HS3ST4: variants seen among roughly 807,000 people sequenced by gnomAD.
HS3ST4 encodes the protein heparan sulfate glucosamine 3-O-sulfotransferase 4.
A neutral mutation model predicts 29.2 loss-of-function variants in HS3ST4; 17 were observed. That is an observed-to-expected ratio of 0.58 (90% CI 0.40 to 0.87). HS3ST4 has a LOEUF of 0.87. HS3ST4 is among the 40% of genes least tolerant of loss of function. The pLI, the probability that HS3ST4 is intolerant of heterozygous loss-of-function variation, is 0.00. For missense variants in HS3ST4, 627 were observed against 634.5 expected (o/e 0.99, Z 0.13); for synonymous variants, 314 against 285.7 (o/e 1.10, Z -1.00).
intron 1 of HS3ST4, among the ~76,000 whole-genome samples, chr16:25,980,116 A>T (rs1291329207): frequency 6.6e-6 from 1 of 152,056 alleles, no homozygotes. Flanking sequence ...AAAATTTGTG[A>T]CCTGGAGCTC....
At chr16:26,125,931 A>C (rs1422270592) in intron 1 of HS3ST4, among the ~76,000 whole-genome samples, 9 of 152,200 alleles carry the variant, frequency 5.9e-5, no homozygotes, top group Non-Finnish European at 1.0e-4. Context: ...TCATCTGGAT[A>C]CTCAGTGTAT....
chr16:26,066,705 A>G (rs1287962576), intron 1 of HS3ST4, among the ~76,000 whole-genome samples: 2 of 152,244 alleles, frequency 1.3e-5, no homozygotes, highest in African/African-American at 2.4e-5. Context: ...GCAGAAGAGC[A>G]GGTAGAATAA....
chr16:25,946,696 A>AT (rs1968629265), intron 1 of HS3ST4, among the ~76,000 whole-genome samples: 1 of 152,222 alleles, frequency 6.6e-6, no homozygotes, highest in Non-Finnish European at 1.5e-5. Flanking sequence ...AATAAGTGAA[A>AT]TGTAACAGAA....
intron 1 of HS3ST4, among the ~76,000 whole-genome samples, chr16:26,123,290 C>G (rs1899300882): frequency 1.3e-5 from 2 of 152,144 alleles, no homozygotes. Context: ...AAATGAGTTG[C>G]TCAAAGCAAG....
At chr16:26,123,791 T>C (rs1222412807) in intron 1 of HS3ST4, among the ~76,000 whole-genome samples, 5 of 152,222 alleles carry the variant, frequency 3.3e-5, no homozygotes, top group Admixed American at 3.3e-4. Context: ...CCTGAGTTAC[T>C]CCACTTAGAT....
At chr16:25,941,196 G>A (rs1281216144) in intron 1 of HS3ST4, among the ~76,000 whole-genome samples, 2 of 151,986 alleles carry the variant, frequency 1.3e-5, no homozygotes, top group East Asian at 1.9e-4. Context: ...ACGGAGTTTC[G>A]CCCTTGTTTC....
chr16:25,706,112 G>A (rs1966374355), intron 1 of HS3ST4, among the ~76,000 whole-genome samples: 1 of 152,174 alleles, frequency 6.6e-6, no homozygotes, highest in South Asian at 2.1e-4. Context: ...GGAATTCCTG[G>A]ACAATCTCAG....
At chr16:25,902,499 TAA>T (rs1197996139) in intron 1 of HS3ST4, among the ~76,000 whole-genome samples, 3 of 150,738 alleles carry the variant, frequency 2.0e-5, no homozygotes, top group Non-Finnish European at 3.0e-5. Flanking sequence ...AAAAAGAAAA[TAA>T]AAAAAGATGA....
rs753032771 is a variant in HS3ST4 at position 25,822,842 on chromosome 16, G to A, written c.734+129691G>A. ...AACCTCCACCTCCCAGGTTCAAGTG[G>A]TTCTCCTGCCTCAGCCTCCCAAGTA... On this transcript the variant is annotated intron_variant, in intron 1 of 1. Coordinates refer to ENST00000331351, the MANE Select transcript of HS3ST4 (RefSeq NM_006040.3). Among the ~76,000 whole-genome samples, 29 of 151,926 alleles carry A rather than the reference G, an allele frequency of 1.9e-4. 1 individual carries two copies. Among genetic ancestry groups the A allele is most frequent in the Non-Finnish European group, 4.1e-4 (28 of 67,892 alleles).
At chr16:26,054,650 C>A (rs2141767844) in intron 1 of HS3ST4, among the ~76,000 whole-genome samples, 1 of 152,188 alleles carries the variant, frequency 6.6e-6, no homozygotes, top group East Asian at 1.9e-4. Context: ...GGGACAGCAC[C>A]AGGTCATTAT....
chr16:26,105,098 G>T (rs984808242), intron 1 of HS3ST4, among the ~76,000 whole-genome samples: 5 of 152,112 alleles, frequency 3.3e-5, no homozygotes, highest in Non-Finnish European at 7.3e-5. Flanking sequence ...TCCCACCCAG[G>T]TGCCCATCAG....
chr16:25,785,977 T>G (rs761470619), intron 1 of HS3ST4, among the ~76,000 whole-genome samples: 10 of 151,474 alleles, frequency 6.6e-5, no homozygotes, highest in African/African-American at 1.9e-4. Context: ...GATGGGGAGG[T>G]GTACATTGAT....
intron 1 of HS3ST4, among the ~76,000 whole-genome samples, chr16:25,759,106 G>A (rs1015071229): frequency 6.6e-6 from 1 of 152,230 alleles, no homozygotes; most frequent in Non-Finnish European, 1.5e-5. Flanking sequence ...ACCTAGAAAG[G>A]TGAGCATGGC....
chr16:26,123,065 AAAC>A (rs200856757), intron 1 of HS3ST4, among the ~76,000 whole-genome samples: 2,573 of 151,868 alleles, frequency 0.017, 62 homozygotes, highest in African/African-American at 0.057. Flanking sequence ...AAAAAAAAAA[AAAC>A]CGGGGGCTTG....
At chr16:25,943,913 A>T (rs910620783) in intron 1 of HS3ST4, among the ~76,000 whole-genome samples, 2 of 152,134 alleles carry the variant, frequency 1.3e-5, no homozygotes, top group Admixed American at 1.3e-4. Context: ...GCTTAAAAGT[A>T]CTTCGTACAT....
At chr16:25,720,270 C>T (rs183553437) in intron 1 of HS3ST4, among the ~76,000 whole-genome samples, 4 of 152,234 alleles carry the variant, frequency 2.6e-5, no homozygotes, top group Admixed American at 6.5e-5. Context: ...GTCAATGAGA[C>T]TGGGACACAG....
At chr16:25,990,847 T>G (rs115023111) in intron 1 of HS3ST4, among the ~76,000 whole-genome samples, 1,758 of 152,312 alleles carry the variant, frequency 0.012, 33 homozygotes, top group African/African-American at 0.04. Flanking sequence ...GAGGGCAGTT[T>G]CCATTCATTT....
intron 1 of HS3ST4, among the ~76,000 whole-genome samples, chr16:26,054,260 CAGAGAGAGGGAGAG>C (rs1408583349): frequency 4.9e-5 from 5 of 102,626 alleles, no homozygotes; most frequent in African/African-American, 2.2e-4. Flanking sequence ...GAGAGAGAGA[CAGAGAGAGGGAGAG>C]AGAGAGAGAG....
At chr16:25,711,127 A>G (rs538669173) in intron 1 of HS3ST4, among the ~76,000 whole-genome samples, 1 of 152,052 alleles carries the variant, frequency 6.6e-6, no homozygotes, top group Admixed American at 6.5e-5. Flanking sequence ...TCCAGCTCAC[A>G]TTTTGAGGCT....
Sources: gnomAD v4.1 joint callset for allele counts (sites outside exome capture counted in the v4.1 genomes callset) on GRCh38, gnomAD v4.1.1 for gene constraint, MANE v1.5 for transcripts, NCBI Gene and HGNC (gene_info 2026-07-23, HGNC 2026-07-21) for gene names.